CDH18: variants seen among roughly 807,000 people sequenced by gnomAD.
CDH18 encodes the protein cadherin 18.
Under a neutral mutation model 67.9 loss-of-function variants are expected in CDH18, and 31 were observed. The ratio of observed to expected loss-of-function variants is 0.46; its 90% confidence interval spans 0.34 to 0.62. The LOEUF (loss-of-function observed/expected upper bound fraction) is 0.62. Ranked by LOEUF, CDH18 falls within the 20% of genes least tolerant of loss-of-function variation. The pLI is 0.01. For missense variants in CDH18, 890 were observed against 975.5 expected (o/e 0.91, Z 1.17); for synonymous variants, 362 against 347.2 (o/e 1.04, Z -0.48).
At chr5:20,565,252 C>A (rs936428826) in intron 1 of CDH18, among the ~76,000 whole-genome samples, 1 of 151,726 alleles carries the variant, frequency 6.6e-6, no homozygotes, top group Non-Finnish European at 1.5e-5. Flanking sequence ...ATTATGGGAA[C>A]TCAAGTCAGG....
chr5:19,825,657 T>C (rs2149969043), intron 3 of CDH18, among the ~76,000 whole-genome samples: 1 of 149,712 alleles, frequency 6.7e-6, no homozygotes, highest in African/African-American at 2.5e-5. Flanking sequence ...ATTCAAAGCT[T>C]GTCAATAGAA....
intron 1 of CDH18, among the ~76,000 whole-genome samples, chr5:20,557,196 A>G (rs2126636712): frequency 6.6e-6 from 1 of 152,268 alleles, no homozygotes; most frequent in South Asian, 2.1e-4. Flanking sequence ...CATATATAAT[A>G]AGACATTTTA....
intron 2 of CDH18, among the ~76,000 whole-genome samples, chr5:20,015,682 C>T (rs1580040935): frequency 6.6e-6 from 1 of 152,194 alleles, no homozygotes; most frequent in East Asian, 1.9e-4. Flanking sequence ...GGTAATGAGA[C>T]AACTGAACAG....
At chr5:20,501,569 A>ATATATATATATTATATATATATAT (rs1491455085) in intron 1 of CDH18, among the ~76,000 whole-genome samples, 2 of 16,188 alleles carry the variant, frequency 1.2e-4, no homozygotes, top group Non-Finnish European at 3.0e-4. Flanking sequence ...ATATATATAT[A>ATATATATATATTATATATATATAT]ATATATATAT....
In CDH18 at chr5:20,260,084, G is replaced by A. The variant is rs1293544552; in HGVS notation, c.-579-4579C>T. Reference sequence around the variant, plus strand: ...GTTCCTTTCCATAAATTAAAGGTATGCCTTACAGATTTTCTCAACCAAGAG... The same window carrying A: ...GTTCCTTTCCATAAATTAAAGGTATACCTTACAGATTTTCTCAACCAAGAG... On this transcript the variant is annotated intron_variant, in intron 1 of 14. Transcript: ENST00000507958. Among the ~76,000 whole-genome samples the A allele has an allele frequency of 2.0e-5, 3 of 151,784 alleles. No individual in the cohort carries two copies. The East Asian group carries it at 5.9e-4, about 30-fold the overall frequency.
At chr5:19,917,340 C>CCCG (rs1554063533) in intron 2 of CDH18, among the ~76,000 whole-genome samples, 9 of 149,328 alleles carry the variant, frequency 6.0e-5, no homozygotes, top group African/African-American at 2.3e-4. Context: ...TTTCTTTCCC[C>CCCG]CCCCGCCCCC....
chr5:20,025,857 T>G (rs1561725476), intron 2 of CDH18, among the ~76,000 whole-genome samples: 1 of 152,212 alleles, frequency 6.6e-6, no homozygotes, highest in Non-Finnish European at 1.5e-5. Context: ...TATCACAACT[T>G]TCTTCACATG....
chr5:19,850,961 G>A (rs902572177), intron 2 of CDH18, among the ~76,000 whole-genome samples: 1 of 151,766 alleles, frequency 6.6e-6, no homozygotes, highest in Non-Finnish European at 1.5e-5. Context: ...GCATAACATA[G>A]TCATTCAAAA....
chr5:20,202,577 C>T lies in CDH18; in HGVS notation c.-518+52867G>A, dbSNP rs535222575. On this transcript the variant is annotated intron_variant, in intron 2 of 14. Coordinates refer to the CDH18 transcript ENST00000507958. ...TTTCTGGTGTTATTAGAGGCAAAAA[C>T]TAGAGAAATAACATGTTGCCCAAAT... Among the ~76,000 whole-genome samples, 6 of 152,068 alleles carry T rather than the reference C, an allele frequency of 3.9e-5. No homozygotes were observed. The East Asian group carries it at 1.2e-3, about 29-fold the overall frequency.
intron 2 of CDH18, among the ~76,000 whole-genome samples, chr5:19,952,712 C>CTATA (rs1795919477): frequency 6.6e-6 from 1 of 152,104 alleles, no homozygotes; most frequent in Non-Finnish European, 1.5e-5. Context: ...GAACTGGCCA[C>CTATA]TATATAACAC....
intron 10 of CDH18, among the ~76,000 whole-genome samples, chr5:19,508,000 T>C (rs895455711): frequency 3.7e-4 from 57 of 152,036 alleles, no homozygotes; most frequent in African/African-American, 1.3e-3. Flanking sequence ...CATCTTGAAC[T>C]CTTACAGAGT....
chr5:20,558,929 A>G (rs1758056317), intron 1 of CDH18, among the ~76,000 whole-genome samples: 2 of 151,848 alleles, frequency 1.3e-5, no homozygotes, highest in Middle Eastern at 3.4e-3. Flanking sequence ...GGTTGATTTC[A>G]AATAAAGTCA....
At position 20,209,550 on chromosome 5, in the gene CDH18, T is replaced by C. The variant is rs1327792292; in HGVS notation, c.-518+45894A>G. Among the ~76,000 whole-genome samples, 4 of 151,950 alleles carry C rather than the reference T, an allele frequency of 2.6e-5. No individual in the cohort carries two copies. The East Asian group carries it at 7.7e-4, about 29-fold the overall frequency. On this transcript the variant is annotated intron_variant, in intron 2 of 14. Transcript: ENST00000507958. ...GTGGGAGCTTAAAATGTTGATCTCATGAATATAATCAGTTGTTAGGTTAAC... is the reference window on the plus strand; with the variant it reads ...GTGGGAGCTTAAAATGTTGATCTCACGAATATAATCAGTTGTTAGGTTAAC...
At chr5:20,288,360 T>C (rs1179459160) in intron 1 of CDH18, among the ~76,000 whole-genome samples, 1 of 151,690 alleles carries the variant, frequency 6.6e-6, no homozygotes, top group Non-Finnish European at 1.5e-5. Context: ...AATACTAGCA[T>C]GTCCCTTTTA....
At chr5:19,979,647 C>T (rs1275674779) in intron 2 of CDH18, among the ~76,000 whole-genome samples, 5 of 151,986 alleles carry the variant, frequency 3.3e-5, no homozygotes. Context: ...TCTGAAAAAG[C>T]AATAATTATA....
At chr5:19,717,031 C>T (rs768104611) in intron 5 of CDH18, among the ~76,000 whole-genome samples, 1 of 151,988 alleles carries the variant, frequency 6.6e-6, no homozygotes, top group Non-Finnish European at 1.5e-5. Context: ...ATCTCCATTA[C>T]TGACTGTCAA....
chr5:19,681,412 C>A (rs150453803), intron 5 of CDH18, among the ~76,000 whole-genome samples: 158 of 151,950 alleles, frequency 1.0e-3, no homozygotes, highest in Non-Finnish European at 1.7e-3. Context: ...AAATAAAGTC[C>A]TTTTAGTTGA....
intron 5 of CDH18, among the ~76,000 whole-genome samples, chr5:19,642,595 T>C (rs1214643936): frequency 6.6e-6 from 1 of 151,922 alleles, no homozygotes; most frequent in Non-Finnish European, 1.5e-5. Flanking sequence ...CTTTGAAAAA[T>C]AGTGTTGGGA....
At chr5:19,881,402 G>T (rs1787625354) in intron 2 of CDH18, among the ~76,000 whole-genome samples, 1 of 151,504 alleles carries the variant, frequency 6.6e-6, no homozygotes, top group Non-Finnish European at 1.5e-5. Context: ...AAAGGTCATG[G>T]TTTTATTTTC....
Sources: allele counts gnomAD v4.1 joint callset (sites outside exome capture counted in the v4.1 genomes callset), GRCh38; gene constraint gnomAD v4.1.1; transcripts MANE v1.5; gene names NCBI Gene and HGNC (gene_info 2026-07-23, HGNC 2026-07-21).